The following NR3C2 variants were observed in gnomAD, a reference collection of about 807,000 sequenced individuals.
NR3C2 encodes the protein nuclear receptor subfamily 3 group C member 2.
NR3C2 carries 15 observed loss-of-function variants against 86.4 expected under a neutral mutation model. That is an observed-to-expected ratio of 0.17 (90% CI 0.12 to 0.27). NR3C2 has a LOEUF of 0.27. Among genes scored for constraint, NR3C2 ranks in the 10% least tolerant of loss-of-function variants. The pLI, the probability that NR3C2 is intolerant of heterozygous loss-of-function variation, is 1.00. For missense variants in NR3C2, 960 were observed against 1,195.6 expected, an observed-to-expected ratio of 0.80 and a Z score of 2.91; for synonymous variants, 458 against 450.5, an observed-to-expected ratio of 1.02 and a Z score of -0.21.
intron 4 of NR3C2, among the ~76,000 whole-genome samples, chr4:148,181,363 A>C (rs1015874402): frequency 2.0e-5 from 3 of 152,196 alleles, no homozygotes; most frequent in Admixed American, 6.5e-5. Context: ...TCAAGTATCT[A>C]ATGATACTAT....
intron 2 of NR3C2, among the ~76,000 whole-genome samples, chr4:148,352,894 A>C (rs2149994728): frequency 6.6e-6 from 1 of 152,288 alleles, no homozygotes; most frequent in Non-Finnish European, 1.5e-5. Flanking sequence ...AAAGTAGCTA[A>C]CAAGCTATAT....
At chr4:148,246,291 G>C (rs1240240442) in intron 3 of NR3C2, among the ~76,000 whole-genome samples, 2 of 152,118 alleles carry the variant, frequency 1.3e-5, no homozygotes, top group African/African-American at 4.8e-5. Context: ...CACCTATAAT[G>C]CATAGTAGAA....
At chr4:148,099,121 A>G (rs1363449122) in intron 8 of NR3C2, among the ~76,000 whole-genome samples, 1 of 152,226 alleles carries the variant, frequency 6.6e-6, no homozygotes, top group Admixed American at 6.5e-5. Context: ...TCTGACAAAC[A>G]CAATCTTAAA....
At chr4:148,409,012 T>C (rs56721167) in intron 2 of NR3C2, among the ~76,000 whole-genome samples, 22,931 of 152,120 alleles carry the variant, frequency 0.15, 2,228 homozygotes, top group African/African-American at 0.27. Context: ...TGTTGTTTTC[T>C]AGGTCTTGCT....
intron 2 of NR3C2, among the ~76,000 whole-genome samples, chr4:148,369,860 C>T (rs1746328328): frequency 1.3e-5 from 2 of 152,172 alleles, no homozygotes; most frequent in African/African-American, 4.8e-5. Context: ...TGATGCTGAG[C>T]TCAAGGGGAG....
chr4:148,430,888 C>T (rs1395696807), intron 2 of NR3C2, among the ~76,000 whole-genome samples: 2 of 152,050 alleles, frequency 1.3e-5, no homozygotes, highest in African/African-American at 4.8e-5. Flanking sequence ...AGGTTATTTA[C>T]TAAACTGTTT....
chr4:148,233,365 G>GTTTTT (rs1738561921), intron 3 of NR3C2, among the ~76,000 whole-genome samples: 1 of 14,400 alleles, frequency 6.9e-5, no homozygotes. Context: ...AATTTCTTTA[G>GTTTTT]GTTTTTTTTT....
chr4:148,366,775 C>T (rs946811109), intron 2 of NR3C2, among the ~76,000 whole-genome samples: 18 of 152,118 alleles, frequency 1.2e-4, no homozygotes, highest in Admixed American at 7.9e-4. Context: ...AATTACCCCC[C>T]CAAAAAAACC....
chr4:148,144,472 T>C (rs950084091), intron 6 of NR3C2, among the ~76,000 whole-genome samples: 1 of 152,094 alleles, frequency 6.6e-6, no homozygotes, highest in African/African-American at 2.4e-5. Flanking sequence ...GGATTACAGG[T>C]GTGAGGTACC....
At chr4:148,263,618 G>C (rs1740237687) in intron 2 of NR3C2, among the ~76,000 whole-genome samples, 1 of 152,106 alleles carries the variant, frequency 6.6e-6, no homozygotes, top group Admixed American at 6.5e-5. Flanking sequence ...ATCTTAGTAG[G>C]ACACTTAAAG....
intron 2 of NR3C2, among the ~76,000 whole-genome samples, chr4:148,384,085 A>G (rs1259838744): frequency 6.6e-6 from 1 of 152,146 alleles, no homozygotes; most frequent in Non-Finnish European, 1.5e-5. Context: ...AAGAAAAAAC[A>G]ATACATTTTA....
At chr4:148,273,806 C>G (rs1740815466) in intron 2 of NR3C2, among the ~76,000 whole-genome samples, 1 of 152,182 alleles carries the variant, frequency 6.6e-6, no homozygotes, top group Non-Finnish European at 1.5e-5. Context: ...ATGACTAAGG[C>G]AAAGCTCCAA....
intron 2 of NR3C2, among the ~76,000 whole-genome samples, chr4:148,299,302 T>C (rs963045493): frequency 1.3e-5 from 2 of 151,924 alleles, no homozygotes; most frequent in African/African-American, 4.8e-5. Context: ...TCTTTTCCCC[T>C]TTTTTTTCTG....
At chr4:148,405,614 G>A (rs187690440) in intron 2 of NR3C2, among the ~76,000 whole-genome samples, 3 of 152,310 alleles carry the variant, frequency 2.0e-5, no homozygotes, top group African/African-American at 7.2e-5. Flanking sequence ...TTCCAGCCAC[G>A]TTTGAGTGCT....
chr4:148,352,373 C>CATCT (rs3045288), intron 2 of NR3C2, among the ~76,000 whole-genome samples: 17,608 of 146,204 alleles, frequency 0.12, 1,070 homozygotes, highest in South Asian at 0.14. Flanking sequence ...CAACTCCTAT[C>CATCT]ATCTATCTAT....
intron 2 of NR3C2, among the ~76,000 whole-genome samples, chr4:148,348,566 C>T (rs1745115627): frequency 6.6e-6 from 1 of 152,122 alleles, no homozygotes; most frequent in African/African-American, 2.4e-5. Flanking sequence ...TTTTGTATAG[C>T]ATGAGATAAA....
At position 148,435,963 on chromosome 4, in the gene NR3C2, G is replaced by C. The variant is rs778290958; in HGVS notation, c.898C>G (p.Pro300Ala). Reference protein sequence around the residue: ...NVTLRSSVSSPANINNSRCSV... With the variant: ...NVTLRSSVSSAANINNSRCSV... ...CACCTTGAGTTGTTAATATTTGCAG[G>C]GCTAGACACAGAGGATCTCAGAGTG... The change falls in exon 2 of 9, where the codon CCT (proline) becomes GCT (alanine). Residue 300 changes from proline to alanine, a missense_variant. This residue lies in a region of NR3C2 where 680 missense variants were observed against 719.0 expected (regional missense o/e 0.95). Transcript: ENST00000358102. 2 of 1,614,180 alleles carry C rather than the reference G, an allele frequency of 1.2e-6. No homozygotes were observed. Among genetic ancestry groups the C allele is most frequent in the Non-Finnish European group, 1.7e-6 (2 of 1,180,034 alleles).
chr4:148,412,970 T>C (rs1748784521), intron 2 of NR3C2, among the ~76,000 whole-genome samples: 1 of 152,230 alleles, frequency 6.6e-6, no homozygotes, highest in African/African-American at 2.4e-5. Context: ...GCCTTGTATT[T>C]ATTTTCAAAA....
intron 3 of NR3C2, among the ~76,000 whole-genome samples, chr4:148,229,338 G>A (rs753465779): frequency 2.6e-5 from 4 of 152,056 alleles, no homozygotes; most frequent in South Asian, 2.1e-4. Context: ...CTCTTTCTTC[G>A]CTGAGAACTT....
Sources: gnomAD v4.1 joint callset for allele counts (sites outside exome capture counted in the v4.1 genomes callset) on GRCh38, gnomAD v4.1.1 for gene constraint, gnomAD v4.1.1 regional missense constraint, MANE v1.5 for transcripts, NCBI Gene and HGNC (gene_info 2026-07-23, HGNC 2026-07-21) for gene names.